The following IAH1 variants were observed in gnomAD, a reference collection of about 807,000 sequenced individuals.
The protein encoded by IAH1 is isoamyl acetate-hydrolyzing esterase 1 homolog.
Under a neutral mutation model 26.7 loss-of-function variants are expected in IAH1, and 24 were observed. The ratio of observed to expected loss-of-function variants is 0.90; its 90% CI spans 0.65 to 1.26. The LOEUF (loss-of-function observed/expected upper bound fraction) is 1.26, where lower values mean the gene tolerates loss of function less well. Among genes scored for constraint, IAH1 ranks in the 50% most tolerant of loss-of-function variants. The pLI is 0.00. For synonymous variants in IAH1, 140 were observed against 118.5 expected (o/e 1.18, Z -1.18); for missense variants, 300 against 299.9 (o/e 1.00, Z 0.00).
At chr2:9,497,000 C>T (rs1024499645), downstream of IAH1, 13 of 1,477,646 alleles carry the variant, frequency 8.8e-6, no homozygotes, top group African/African-American at 8.4e-5. Flanking sequence ...CCCTCATCCT[C>T]GGCTTGGATC....
At position 9,484,511 on chromosome 2, in the gene IAH1, T is replaced by G. The variant is rs1162820749; in HGVS notation, c.525T>G (p.Thr175=). 6.2e-7 allele frequency: 1 copy of G among 1,614,160 alleles called. No individual in the cohort carries two copies. Among genetic ancestry groups the G allele is most frequent in the South Asian group, 1.1e-5 (1 of 91,078 alleles). ...TACAAGTGGCCCAAGACTGTGGGAC[T>G]GACGTACTTGACCTGTGGACCCTGA... ...ACLQVAQDCG[T]DVLDLWTLMQ... Residue 175 remains threonine (T), a synonymous_variant, in exon 5 of 6, where the codon ACT becomes ACG. Coordinates refer to ENST00000497473, the MANE Select transcript of IAH1 (RefSeq NM_001039613.3).
downstream of IAH1, among the ~76,000 whole-genome samples, chr2:9,491,476 CAA>C (rs1007301956): frequency 4.6e-5 from 7 of 152,342 alleles, 1 homozygote; most frequent in Admixed American, 1.3e-4. Flanking sequence ...CATGAAATGA[CAA>C]ATGTCCCAGA....
intron 2 of IAH1, 37 bp downstream of exon 2, chr2:9,476,076 G>C (rs1660767981): frequency 6.4e-7 from 1 of 1,550,404 alleles, no homozygotes; most frequent in African/African-American, 1.4e-5. Flanking sequence ...TCTTATGGAT[G>C]GAAAATGTCT....
chr2:9,493,712 C>G (rs1454472547), downstream of IAH1: 1 of 1,567,096 alleles, frequency 6.4e-7, no homozygotes, highest in South Asian at 1.1e-5. Flanking sequence ...GAAATTGACT[C>G]AGCTCTCAGT....
rs544171576 is a variant in IAH1 at position 9,487,799 on chromosome 2, T to C, written c.565-348T>C. Reference sequence around the variant, plus strand: ...CCTCCCCGGCCTTTTTGTGTGTGTGTGTGTGTGTGTGTGTGTGTGTGTGTG... The same window carrying C: ...CCTCCCCGGCCTTTTTGTGTGTGTGCGTGTGTGTGTGTGTGTGTGTGTGTG... On this transcript the variant is annotated intron_variant, in intron 5 of 5. Coordinates refer to ENST00000497473, the MANE Select transcript of IAH1 (RefSeq NM_001039613.3). 4.7e-5 allele frequency among the ~76,000 whole-genome samples: 4 copies of C among 85,624 alleles called. No individual in the cohort carries two copies. In the South Asian group the frequency reaches 1.4e-3, roughly 30 times the overall value. 56.2% of individuals were successfully genotyped at this position (85,624 alleles called of 152,430 possible).
In IAH1 at chr2:9,474,954, C is replaced by G; in HGVS notation, c.81+307C>G. 1 of 1,005,360 alleles carries G rather than the reference C, an allele frequency of 9.9e-7. No individual in the cohort carries two copies. The allele number at this position is 1,005,360 out of a possible 1,614,324, so 62.3% of individuals were successfully genotyped here. A position where few individuals can be genotyped will look rare whatever the true frequency, so the allele number is the denominator to read the frequency against. The stretch of plus-strand genomic sequence containing the variant: ...GGGTCGAGATGCGCGGTCTTCCCCT[C>G]AGCGCCCTCCTGGGCAGCGGCCTTT... On this transcript the variant is annotated intron_variant, in intron 1 of 5. Coordinates refer to ENST00000497473, the MANE Select transcript of IAH1 (RefSeq NM_001039613.3). This position sits in a 1 kb window ranked among gnomAD's most constrained non-coding sequence, Gnocchi z 4.3.
At chr2:9,497,407 T>A (rs1662696214), downstream of IAH1, among the ~76,000 whole-genome samples, 1 of 152,184 alleles carries the variant, frequency 6.6e-6, no homozygotes, top group Non-Finnish European at 1.5e-5. Context: ...TCACCAGCAA[T>A]CAGCATTTAA....
chr2:9,497,440 C>T (rs1414333729), downstream of IAH1, among the ~76,000 whole-genome samples: 1 of 152,220 alleles, frequency 6.6e-6, no homozygotes, highest in African/African-American at 2.4e-5. Flanking sequence ...GGCTATGTGC[C>T]AGGCTAGGCT....
chr2:9,490,392 G>C (rs1454112085), downstream of IAH1: 2 of 1,614,194 alleles, frequency 1.2e-6, no homozygotes, highest in South Asian at 2.2e-5. Flanking sequence ...TGGTGGTCCA[G>C]TTTTGGAGCT....
At chr2:9,501,123 T>C (rs2124988315), downstream of IAH1, among the ~76,000 whole-genome samples, 1 of 152,130 alleles carries the variant, frequency 6.6e-6, no homozygotes, top group Non-Finnish European at 1.5e-5. Flanking sequence ...TGAAATAACA[T>C]GAAACCCAAT....
chr2:9,474,473 G>C (rs1469661724), upstream of IAH1: 6 of 640,662 alleles, frequency 9.4e-6, no homozygotes, highest in Admixed American at 2.2e-4. This position sits in a 1 kb window ranked among gnomAD's most constrained non-coding sequence, Gnocchi z 4.3. Flanking sequence ...GACTGCGTGG[G>C]TGCCCACGAG....
rs1486820500 is a variant in IAH1, at chr2:9,488,154, CATCTT to C, written c.575_579del (p.Ser192PhefsTer13). The C allele has an allele frequency of 1.9e-6, 3 of 1,603,964 alleles. No individual in the cohort carries two copies. Among genetic ancestry groups the C allele is most frequent in the Non-Finnish European group, 2.6e-6 (3 of 1,176,426 alleles). ...GATTTCTCTCCCTTCTAGGACTTCT[CATCTT>C]ATTTATCAGATGGACTACATTTGTC... is the stretch of plus-strand genomic sequence containing the variant. On this transcript the variant is annotated frameshift_variant, in exon 6 of 6. Coordinates refer to ENST00000497473, the MANE Select transcript of IAH1 (RefSeq NM_001039613.3). LOFTEE classifies it low-confidence loss of function (END_TRUNC).
At chr2:9,505,432 G>A in the IAH1 span, 1 of 1,487,988 alleles carries the variant, frequency 6.7e-7, no homozygotes, top group Admixed American at 1.7e-5. Flanking sequence ...TGCAATGTTT[G>A]TGTCTTCTCT....
downstream of IAH1, chr2:9,493,872 A>G: frequency 6.7e-7 from 1 of 1,484,654 alleles, no homozygotes; most frequent in Non-Finnish European, 9.4e-7. Context: ...AACACAATGT[A>G]TTCAGAAGCA....
chr2:9,503,833 G>A, the IAH1 span, among the ~76,000 whole-genome samples: 3 of 108,116 alleles, frequency 2.8e-5, no homozygotes, highest in Non-Finnish European at 5.8e-5. Flanking sequence ...GCAAGACTCC[G>A]TCTCAAAAAA....
At chr2:9,508,200 C>T in the IAH1 span, among the ~76,000 whole-genome samples, 2 of 152,214 alleles carry the variant, frequency 1.3e-5, no homozygotes, top group Non-Finnish European at 2.9e-5. Context: ...TAGCCACCAA[C>T]CATATGTGGC....
Position 9,481,281 on chromosome 2 carries a change from A to G in IAH1, c.284-5A>G. 6.2e-7 allele frequency: 1 copy of G among 1,614,094 alleles called. No individual in the cohort carries two copies. Among genetic ancestry groups the G allele is most frequent in the Non-Finnish European group, 8.5e-7 (1 of 1,179,968 alleles). On this transcript the variant is annotated splice_region_variant and splice_polypyrimidine_tract_variant and intron_variant, in intron 3 of 5. Transcript: ENST00000497473. Reference sequence around the variant, plus strand: ...CTGGTGAGGACTCATGTTTCTCTTGAGCAGATGAGAATCCCAAGCAGCACA... The same window carrying G: ...CTGGTGAGGACTCATGTTTCTCTTGGGCAGATGAGAATCCCAAGCAGCACA...
chr2:9,475,224 A>G, intron 1 of IAH1: 1 of 1,287,336 alleles, frequency 7.8e-7, no homozygotes. Context: ...GCAGGTTCTT[A>G]CTTCGGGGAG....
chr2:9,484,377 C>A, intron 4 of IAH1, 55 bp from the exon 5 acceptor site: 2 of 1,335,184 alleles, frequency 1.5e-6, no homozygotes, highest in Non-Finnish European at 2.2e-6. Flanking sequence ...AGAACTTACA[C>A]AAGGGCCAGC....
Sources: gnomAD v4.1 joint callset for allele counts (sites outside exome capture counted in the v4.1 genomes callset) on GRCh38, gnomAD v4.1.1 for gene constraint, Gnocchi (gnomAD v3.1) non-coding constraint, MANE v1.5 for transcripts, NCBI Gene and HGNC (gene_info 2026-07-23, HGNC 2026-07-21) for gene names.